The following TNFSF4 variants were observed in gnomAD, a reference collection of about 807,000 sequenced individuals.
TNFSF4 encodes the protein TNF superfamily member 4.
A neutral mutation model predicts 7.3 loss-of-function variants in TNFSF4; 4 were observed. The ratio of observed to expected loss-of-function variants is 0.55; its 90% confidence interval spans 0.27 to 1.25. The LOEUF (loss-of-function observed/expected upper bound fraction) is 1.25, where lower values mean the gene tolerates loss of function less well. Ranked by LOEUF, TNFSF4 falls within the 50% of genes most tolerant of loss-of-function variation. The probability of loss-of-function intolerance (pLI) is 0.12; values close to 1 mark genes in which losing one functional copy is unlikely to be tolerated. For missense variants in TNFSF4, 181 were observed against 208.8 expected (o/e 0.87, Z 0.82); for synonymous variants, 76 against 83.7 (o/e 0.91, Z 0.50).
the TNFSF4 span, among the ~76,000 whole-genome samples, chr1:173,447,503 G>A: frequency 6.6e-6 from 1 of 152,190 alleles, no homozygotes; most frequent in South Asian, 2.1e-4. Context: ...GGGCATATGG[G>A]AACTCTCTGT....
chr1:173,269,560 A>G, the TNFSF4 span, among the ~76,000 whole-genome samples: 1 of 152,126 alleles, frequency 6.6e-6, no homozygotes, highest in African/African-American at 2.4e-5. Context: ...AAGCCCTGCA[A>G]TACCACAATA....
chr1:173,373,862 A>C, the TNFSF4 span, among the ~76,000 whole-genome samples: 1 of 152,230 alleles, frequency 6.6e-6, no homozygotes, highest in South Asian at 2.1e-4. Context: ...TAATTCATGA[A>C]ATAATTCCTA....
the TNFSF4 span, among the ~76,000 whole-genome samples, chr1:173,441,364 T>C: frequency 6.6e-6 from 1 of 152,182 alleles, no homozygotes; most frequent in African/African-American, 2.4e-5. Flanking sequence ...GCTCAAGCCC[T>C]ATAATCCCAG....
At chr1:173,228,678 T>C in the TNFSF4 span, among the ~76,000 whole-genome samples, 2 of 152,062 alleles carry the variant, frequency 1.3e-5, no homozygotes, top group African/African-American at 4.8e-5. Context: ...CTTAAAAACC[T>C]TGAAAAAAGA....
At chr1:173,420,076 T>C in the TNFSF4 span, among the ~76,000 whole-genome samples, 1 of 152,206 alleles carries the variant, frequency 6.6e-6, no homozygotes, top group Non-Finnish European at 1.5e-5. Flanking sequence ...AGCAATTTTT[T>C]TTCTTTTTTC....
At chr1:173,276,653 G>T in the TNFSF4 span, among the ~76,000 whole-genome samples, 1 of 152,128 alleles carries the variant, frequency 6.6e-6, no homozygotes, top group Non-Finnish European at 1.5e-5. Context: ...CTTTGTGGGA[G>T]TTTTCTATTT....
chr1:173,210,033 G>T (rs1386246957), upstream of TNFSF4, among the ~76,000 whole-genome samples: 1 of 145,230 alleles, frequency 6.9e-6, no homozygotes, highest in Non-Finnish European at 1.5e-5. Flanking sequence ...AAACATTTGG[G>T]TTTTTTTTTT....
At chr1:173,413,154 G>A in the TNFSF4 span, among the ~76,000 whole-genome samples, 2 of 152,194 alleles carry the variant, frequency 1.3e-5, no homozygotes, top group African/African-American at 4.8e-5. Flanking sequence ...TAATGGTCAG[G>A]ACAGAGGTGG....
chr1:173,431,113 A>T, the TNFSF4 span, among the ~76,000 whole-genome samples: 4 of 152,226 alleles, frequency 2.6e-5, no homozygotes, highest in Non-Finnish European at 5.9e-5. Flanking sequence ...AGGGCATGTT[A>T]TTTGTATTGT....
the TNFSF4 span, among the ~76,000 whole-genome samples, chr1:173,377,656 C>A: frequency 6.6e-6 from 1 of 152,192 alleles, no homozygotes; most frequent in Admixed American, 6.5e-5. Context: ...TTTCTAGTTT[C>A]TCCTACAAGA....
Position 173,184,922 on chromosome 1 carries a change from T to C in TNFSF4, c.*1594A>G, listed in dbSNP as rs914903931. On this transcript the variant is annotated 3_prime_UTR_variant, in exon 3 of 3. Coordinates refer to ENST00000281834, the MANE Select transcript of TNFSF4 (RefSeq NM_003326.5). ...TTCCTCTTACCTTACCTACAATTTC[T>C]TCTATTTAGCATTTTTATTTACCTT... is the stretch of plus-strand genomic sequence containing the variant. 1 of 152,198 alleles carries C rather than the reference T, an allele frequency of 6.6e-6. No individual in the cohort carries two copies. Among genetic ancestry groups the C allele is most frequent in the African/African-American group, 2.4e-5 (1 of 41,448 alleles). The allele number at this position is 152,198 out of a possible 1,614,324, so 9.4% of individuals were successfully genotyped here. A position where few individuals can be genotyped will look rare whatever the true frequency, so the allele number is the denominator to read the frequency against.
the TNFSF4 span, among the ~76,000 whole-genome samples, chr1:173,353,381 G>C: frequency 6.6e-6 from 1 of 152,288 alleles, no homozygotes; most frequent in South Asian, 2.1e-4. Flanking sequence ...ATTTTCTTCT[G>C]TCATGGCTTC....
At chr1:173,192,207 A>C (rs145142640) in intron 1 of TNFSF4, among the ~76,000 whole-genome samples, 9 of 152,244 alleles carry the variant, frequency 5.9e-5, no homozygotes, top group Middle Eastern at 3.4e-3. Context: ...CCTAAATCAA[A>C]TCCTTGAGTT....
the TNFSF4 span, among the ~76,000 whole-genome samples, chr1:173,246,278 G>T: frequency 2.6e-5 from 4 of 152,058 alleles, no homozygotes; most frequent in East Asian, 7.7e-4. Context: ...TATGCATTAG[G>T]TATTTTTCCT....
chr1:173,402,748 G>C, the TNFSF4 span, among the ~76,000 whole-genome samples: 1 of 152,230 alleles, frequency 6.6e-6, no homozygotes, highest in African/African-American at 2.4e-5. Flanking sequence ...GGACAGAAAA[G>C]TAGCCAGTGG....
chr1:173,259,671 A>G, the TNFSF4 span, among the ~76,000 whole-genome samples: 31 of 152,214 alleles, frequency 2.0e-4, no homozygotes, highest in African/African-American at 7.0e-4. Flanking sequence ...GAGCTGAAAA[A>G]CACAATACAA....
the TNFSF4 span, among the ~76,000 whole-genome samples, chr1:173,251,488 T>C: frequency 6.6e-6 from 1 of 152,158 alleles, no homozygotes; most frequent in South Asian, 2.1e-4. Context: ...GGTGAATAGA[T>C]GAGGCAATCT....
chr1:173,344,019 A>G, the TNFSF4 span, among the ~76,000 whole-genome samples: 1 of 152,234 alleles, frequency 6.6e-6, no homozygotes, highest in South Asian at 2.1e-4. Context: ...ATGATCCTAC[A>G]GGTTCTAGGA....
chr1:173,445,470 C>T, the TNFSF4 span, among the ~76,000 whole-genome samples: 2 of 152,156 alleles, frequency 1.3e-5, no homozygotes, highest in South Asian at 2.1e-4. Context: ...TTCCCTCCCC[C>T]ATTTTCACAG....
Sources: gnomAD v4.1 joint callset for allele counts (sites outside exome capture counted in the v4.1 genomes callset) on GRCh38, gnomAD v4.1.1 for gene constraint, MANE v1.5 for transcripts, NCBI Gene and HGNC (gene_info 2026-07-23, HGNC 2026-07-21) for gene names.